INSC: variants seen among roughly 807,000 people sequenced by gnomAD.
The protein encoded by INSC is INSC spindle orientation adaptor protein.
In INSC, 67 loss-of-function variants were observed where a neutral mutation model predicts 58.6. That is an observed-to-expected ratio of 1.14 (90% CI 0.94 to 1.40). INSC has a LOEUF of 1.40. INSC is among the 40% of genes most tolerant of loss of function. The pLI is 0.00. For missense variants in INSC, 714 were observed against 692.0 expected (o/e 1.03, Z -0.36); for synonymous variants, 262 against 276.1 (o/e 0.95, Z 0.51).
intron 2 of INSC, among the ~76,000 whole-genome samples, chr11:15,167,416 G>T (rs748104499): frequency 6.6e-6 from 1 of 152,010 alleles, no homozygotes; most frequent in Non-Finnish European, 1.5e-5. Context: ...TGCTTGGGGA[G>T]AAAGAGTTGC....
intron 5 of INSC, among the ~76,000 whole-genome samples, chr11:15,185,396 A>G (rs886124733): frequency 3.9e-5 from 6 of 152,146 alleles, no homozygotes; most frequent in African/African-American, 1.2e-4. Flanking sequence ...AGCCTCATTC[A>G]TCTCATTTAG....
intron 9 of INSC, among the ~76,000 whole-genome samples, chr11:15,229,974 A>AT (rs1564917193): frequency 3.1e-4 from 4 of 12,914 alleles, no homozygotes; most frequent in African/African-American, 1.5e-3. Context: ...ATATATATAT[A>AT]TATATTATAT....
At chr11:15,259,456 T>A in the INSC span, among the ~76,000 whole-genome samples, 1 of 152,148 alleles carries the variant, frequency 6.6e-6, no homozygotes, top group South Asian at 2.1e-4. Context: ...TATGACAAAA[T>A]AATAAAATGT....
chr11:15,231,921 G>C (rs1217244725), intron 9 of INSC, among the ~76,000 whole-genome samples: 7 of 152,188 alleles, frequency 4.6e-5, no homozygotes, highest in Non-Finnish European at 7.4e-5. Context: ...AGGCAGGCCT[G>C]GTTCACACCT....
At chr11:15,220,400 G>A (rs1851392784) in intron 7 of INSC, among the ~76,000 whole-genome samples, 1 of 152,178 alleles carries the variant, frequency 6.6e-6, no homozygotes, top group Non-Finnish European at 1.5e-5. Context: ...GCACTGCAGA[G>A]CTAACCTTGA....
downstream of INSC, among the ~76,000 whole-genome samples, chr11:15,249,735 T>G (rs1167903742): frequency 6.6e-6 from 1 of 152,180 alleles, no homozygotes; most frequent in Non-Finnish European, 1.5e-5. Context: ...AGTCTCCATC[T>G]TCTACACCAG....
intron 12 of INSC, among the ~76,000 whole-genome samples, chr11:15,241,187 C>A (rs1163612510): frequency 6.6e-6 from 1 of 152,198 alleles, no homozygotes; most frequent in Non-Finnish European, 1.5e-5. Flanking sequence ...TCTCTAAGGA[C>A]TCCCAAAGTA....
intron 2 of INSC, among the ~76,000 whole-genome samples, chr11:15,164,050 T>TAAGGGGG (rs1849108667): frequency 6.6e-6 from 1 of 152,200 alleles, no homozygotes; most frequent in African/African-American, 2.4e-5. Flanking sequence ...ACATTTCCTT[T>TAAGGGGG]CTGATAATTT....
At chr11:15,249,376 A>T (rs962851031), downstream of INSC, among the ~76,000 whole-genome samples, 2 of 152,086 alleles carry the variant, frequency 1.3e-5, no homozygotes, top group African/African-American at 2.4e-5. Context: ...AGAGAAGGAG[A>T]AGATAGGGGG....
Position 15,246,821 on chromosome 11 carries a change from C to CA in INSC, c.*785dup. On this transcript the variant is annotated 3_prime_UTR_variant, in exon 13 of 13. Transcript: ENST00000379556. ...GCTTATTGAATGATTGATTCCTCCTCAAAAGTATACTTGAAAGCAGTGGTG... is the reference window on the plus strand; with the variant it reads ...GCTTATTGAATGATTGATTCCTCCTCAAAAAGTATACTTGAAAGCAGTGGTG... The CA allele has an allele frequency of 6.6e-6, 1 of 152,322 alleles. No individual in the cohort carries two copies. The highest frequency in any genetic ancestry group is 1.9e-4 in the East Asian group (1 of 5,190). The allele number at this position is 152,322 out of a possible 1,614,324, so 9.4% of individuals were successfully genotyped here.
rs1272161076 is a variant in INSC at position 15,149,217 on chromosome 11, C to T, written c.43C>T (p.Leu15=). Residue 15 remains leucine (L), a synonymous_variant, in exon 2 of 13, where the codon CTG becomes TTG. Transcript: ENST00000379556. ...PGGRHLDSVT[L]PGQRLHLMQV... is the part of the protein sequence containing the mutation. ...AGGTCGCCACCTGGACTCCGTCACC[C>T]TGCCGGGTCAGCGGTAAGTCCTACA... 6.2e-7 allele frequency: 1 copy of T among 1,608,172 alleles called. No homozygotes were observed. The highest frequency in any genetic ancestry group is 1.7e-5 in the Admixed American group (1 of 58,848).
chr11:15,173,984 T>G lies in INSC; in HGVS notation c.57-1757T>G, dbSNP rs1349331883. Among the ~76,000 whole-genome samples, 8 of 152,314 alleles carry G rather than the reference T, an allele frequency of 5.3e-5. No individual in the cohort carries two copies. The South Asian group carries it at 1.7e-3, about 32-fold the overall frequency. ...TGCTTCACCAGGCTGGCCTCATTGG[T>G]GCCCTTTATTTGCTATACTGACTCA... On this transcript the variant is annotated intron_variant, in intron 2 of 12. Coordinates refer to ENST00000379556, the MANE Select transcript of INSC (RefSeq NM_001042536.3).
Position 15,239,051 on chromosome 11 carries a change from C to T in INSC, c.1370C>T (p.Ala457Val). 6.2e-7 allele frequency: 1 copy of T among 1,613,678 alleles called. No individual in the cohort carries two copies. The highest frequency in any genetic ancestry group is 8.5e-7 in the Non-Finnish European group (1 of 1,179,864). Residue 457 changes from alanine (A) to valine (V), a missense_variant, in exon 11 of 13, where the codon GCA becomes GTA. By Grantham distance (64) the Ala-to-Val change is moderately conservative. Coordinates refer to ENST00000379556, the MANE Select transcript of INSC (RefSeq NM_001042536.3). ...CGTCTCAGCCGAGACCCAGATGTGG[C>T]ACGGGAGGCCGTGCGGCTCAGCTGT... Reference protein sequence around the residue: ...LARLSRDPDVAREAVRLSCMS... With the variant: ...LARLSRDPDVVREAVRLSCMS...
chr11:15,201,081 G>T (rs73426538), intron 7 of INSC, 132 bp downstream of exon 7: 1 of 1,145,184 alleles, frequency 8.7e-7, no homozygotes, highest in Non-Finnish European at 1.2e-6. Flanking sequence ...GGCACCATTC[G>T]GATAGGGTGG....
intron 7 of INSC, among the ~76,000 whole-genome samples, chr11:15,206,648 G>T (rs561418286): frequency 1.3e-5 from 2 of 152,258 alleles, no homozygotes; most frequent in South Asian, 4.1e-4. Context: ...ACTGGAGCTG[G>T]CAAGGTGAAC....
chr11:15,233,492 A>C (rs1009497807), intron 9 of INSC, among the ~76,000 whole-genome samples: 2 of 152,204 alleles, frequency 1.3e-5, no homozygotes, highest in East Asian at 3.8e-4. Context: ...GCATTTATTC[A>C]AATTGTACTT....
intron 4 of INSC, among the ~76,000 whole-genome samples, chr11:15,177,806 G>T (rs1017666200): frequency 6.6e-6 from 1 of 152,148 alleles, no homozygotes; most frequent in Non-Finnish European, 1.5e-5. Context: ...ACACTGTCAG[G>T]CCACAGGAGT....
chr11:15,268,389 A>G, the INSC span, among the ~76,000 whole-genome samples: 1 of 152,026 alleles, frequency 6.6e-6, no homozygotes, highest in South Asian at 2.1e-4. Context: ...TAAAAATCTA[A>G]TTGACATGTT....
At chr11:15,148,072 G>A (rs374061023) in intron 1 of INSC, among the ~76,000 whole-genome samples, 46 of 152,300 alleles carry the variant, frequency 3.0e-4, no homozygotes, top group South Asian at 2.3e-3. Context: ...GGGACAAGGC[G>A]AGGGAGAAAA....
Sources: allele counts gnomAD v4.1 joint callset (sites outside exome capture counted in the v4.1 genomes callset), GRCh38; gene constraint gnomAD v4.1.1; transcripts MANE v1.5; gene names NCBI Gene and HGNC (gene_info 2026-07-23, HGNC 2026-07-21).